The following MEIG1 variants were observed in gnomAD, a reference collection of about 807,000 sequenced individuals.
MEIG1 encodes meiosis expressed gene 1 protein homolog.
MEIG1 carries 12 observed loss-of-function variants against 11.3 expected under a neutral mutation model. The ratio of observed to expected loss-of-function variants is 1.07; its 90% CI spans 0.68 to 1.73. The LOEUF is 1.73. Ranked by LOEUF, MEIG1 falls within the 40% of genes most tolerant of loss-of-function variation. MEIG1 has a pLI of 0.00. For missense variants in MEIG1, 119 were observed against 104.9 expected (o/e 1.13, Z -0.59); for synonymous variants, 41 against 33.2 (o/e 1.24, Z -0.81).
chr10:14,984,560 C>G (rs559688533), intron 1 of MEIG1, among the ~76,000 whole-genome samples: 1 of 151,950 alleles, frequency 6.6e-6, no homozygotes, highest in East Asian at 1.9e-4. Flanking sequence ...TATTGTCACA[C>G]GGGGAAGTTT....
At chr10:14,966,692 G>T (rs1260449199) in intron 2 of MEIG1, 86 bp downstream of exon 2, 4 of 1,274,456 alleles carry the variant, frequency 3.1e-6, no homozygotes, top group Non-Finnish European at 4.4e-6. Flanking sequence ...GAGAATAACT[G>T]AAGGAAATTC....
At chr10:14,986,200 C>T (rs908034378) in intron 1 of MEIG1, among the ~76,000 whole-genome samples, 1 of 152,136 alleles carries the variant, frequency 6.6e-6, no homozygotes, top group South Asian at 2.1e-4. Context: ...TGGCGCATGC[C>T]TGTAATCCCA....
At chr10:14,985,408 C>A (rs535847665) in intron 1 of MEIG1, among the ~76,000 whole-genome samples, 1 of 151,942 alleles carries the variant, frequency 6.6e-6, no homozygotes, top group Admixed American at 6.6e-5. Flanking sequence ...CTGATATGAT[C>A]GGTTATATCC....
At chr10:14,969,478 AAAG>A (rs1476941936) in intron 2 of MEIG1, among the ~76,000 whole-genome samples, 1 of 151,928 alleles carries the variant, frequency 6.6e-6, no homozygotes, top group African/African-American at 2.4e-5. Context: ...GGAAAAAAGA[AAAG>A]AAAGTTGTCA....
upstream of MEIG1, among the ~76,000 whole-genome samples, chr10:14,955,717 G>A (rs763741866): frequency 1.3e-5 from 2 of 152,066 alleles, no homozygotes; most frequent in Non-Finnish European, 2.9e-5. Flanking sequence ...AAACAAAACA[G>A]AATGACATCC....
chr10:14,972,594 G>T lies in MEIG1; in HGVS notation c.220G>T (p.Glu74Ter). 6.2e-7 allele frequency: 1 copy of T among 1,613,276 alleles called. No homozygotes were observed. The highest frequency in any genetic ancestry group is 8.5e-7 in the Non-Finnish European group (1 of 1,179,696). Residue 74 changes from glutamate to a stop codon, truncating the protein, a stop_gained, in exon 3 of 3, where the codon GAA becomes TAA. Coordinates refer to ENST00000407572, the MANE Select transcript of MEIG1 (RefSeq NM_001080836.3). LOFTEE classifies it high-confidence loss of function. ...NTFYYYNKQR[E>*]CDDKEVHKVK... ...GTTCTATTACTACAACAAACAGAGG[G>T]AATGTGATGACAAAGAAGTCCACAA...
chr10:14,978,105 C>T (rs570592386), intron 1 of MEIG1, among the ~76,000 whole-genome samples: 2 of 151,790 alleles, frequency 1.3e-5, no homozygotes, highest in South Asian at 4.1e-4. Context: ...AGAGGTTACT[C>T]CTAATATCAC....
intron 1 of MEIG1, among the ~76,000 whole-genome samples, chr10:14,963,163 C>G (rs1843035452): frequency 1.3e-5 from 2 of 151,950 alleles, no homozygotes; most frequent in South Asian, 4.2e-4. Context: ...ATGGCACGAT[C>G]TTGGCTCACT....
chr10:14,954,681 C>A (rs1564498800), upstream of MEIG1, among the ~76,000 whole-genome samples: 1 of 152,090 alleles, frequency 6.6e-6, no homozygotes. Flanking sequence ...GGCCTCTCCC[C>A]TGGGCCCCCA....
At chr10:14,979,876 C>T (rs1186147517) in intron 1 of MEIG1, among the ~76,000 whole-genome samples, 1 of 151,872 alleles carries the variant, frequency 6.6e-6, no homozygotes, top group Non-Finnish European at 1.5e-5. Flanking sequence ...TGATACTATT[C>T]GTTATATCGT....
At chr10:14,956,616 A>C (rs1379243362), upstream of MEIG1, among the ~76,000 whole-genome samples, 1 of 152,128 alleles carries the variant, frequency 6.6e-6, no homozygotes, top group Non-Finnish European at 1.5e-5. Context: ...CACAACACTC[A>C]AGAAGTCTGG....
chr10:14,974,813 AATTAAT>A (rs1564507629), downstream of MEIG1, among the ~76,000 whole-genome samples: 1 of 152,050 alleles, frequency 6.6e-6, no homozygotes, highest in Non-Finnish European at 1.5e-5. Flanking sequence ...AGCTCTTAAT[AATTAAT>A]ATTAATATTA....
At chr10:14,968,496 A>G (rs1003284423) in intron 2 of MEIG1, among the ~76,000 whole-genome samples, 1 of 152,110 alleles carries the variant, frequency 6.6e-6, no homozygotes, top group African/African-American at 2.4e-5. Flanking sequence ...TCAAATAAAT[A>G]AATTAATTAA....
chr10:14,984,474 G>A (rs1349281732), intron 1 of MEIG1, among the ~76,000 whole-genome samples: 9 of 152,058 alleles, frequency 5.9e-5, no homozygotes, highest in Admixed American at 1.3e-4. Context: ...GTATCCTAGC[G>A]GGACATTAAG....
At chr10:14,984,711 C>T (rs2131285704) in intron 1 of MEIG1, among the ~76,000 whole-genome samples, 1 of 152,218 alleles carries the variant, frequency 6.6e-6, no homozygotes, top group South Asian at 2.1e-4. Flanking sequence ...GTGATATTAT[C>T]GTCCTATTCT....
intron 1 of MEIG1, among the ~76,000 whole-genome samples, chr10:14,959,758 G>A (rs1358529689): frequency 6.6e-6 from 1 of 152,250 alleles, no homozygotes; most frequent in East Asian, 1.9e-4. Flanking sequence ...GGCCCTTCCA[G>A]AATCTCAGGG....
At chr10:14,975,499 C>T (rs1029868710), downstream of MEIG1, among the ~76,000 whole-genome samples, 2 of 151,924 alleles carry the variant, frequency 1.3e-5, no homozygotes, top group African/African-American at 2.4e-5. Flanking sequence ...AGTGTACAAA[C>T]CCGTGTACTA....
In MEIG1 at chr10:14,966,517, T is replaced by C; in HGVS notation, c.49T>C (p.Trp17Arg). 1 of 1,612,460 alleles carries C rather than the reference T, an allele frequency of 6.2e-7. No individual in the cohort carries two copies. Among genetic ancestry groups the C allele is most frequent in the South Asian group, 1.1e-5 (1 of 90,692 alleles). ...AAAATCAGTAAGTCATGCCAAAAAATGGTCAGAAGAGATAGAAAATCTGTA... is the reference window on the plus strand; with the variant it reads ...AAAATCAGTAAGTCATGCCAAAAAACGGTCAGAAGAGATAGAAAATCTGTA... Reference protein sequence around the residue: ...KPKSVSHAKKWSEEIENLYRF... With the variant: ...KPKSVSHAKKRSEEIENLYRF... Residue 17 changes from tryptophan to arginine, a missense_variant, in exon 2 of 3, where the codon TGG becomes CGG. Trp to Arg is a moderately radical substitution (Grantham distance 101). Transcript: ENST00000407572.
chr10:14,978,445 T>C (rs1452242865), intron 1 of MEIG1, among the ~76,000 whole-genome samples: 1 of 151,880 alleles, frequency 6.6e-6, no homozygotes, highest in African/African-American at 2.4e-5. Flanking sequence ...CCCCATGATA[T>C]TATTCGTAAT....
Sources: gnomAD v4.1 joint callset for allele counts (sites outside exome capture counted in the v4.1 genomes callset) on GRCh38, gnomAD v4.1.1 for gene constraint, MANE v1.5 for transcripts, NCBI Gene and HGNC (gene_info 2026-07-23, HGNC 2026-07-21) for gene names.